OCA2: variants seen among roughly 807,000 people sequenced by gnomAD.
OCA2 encodes P protein.
OCA2 carries 77 observed loss-of-function variants against 100.2 expected under a neutral mutation model. The ratio of observed to expected loss-of-function variants is 0.77; its 90% CI spans 0.64 to 0.93. The LOEUF is 0.93. Among genes scored for constraint, OCA2 ranks in the 40% least tolerant of loss-of-function variants. The pLI is 0.00. For synonymous variants in OCA2, 432 were observed against 439.2 expected, an observed-to-expected ratio of 0.98 and a Z score of 0.21; for missense variants, 1,062 against 1,089.1, an observed-to-expected ratio of 0.98 and a Z score of 0.35.
intron 11 of OCA2, among the ~76,000 whole-genome samples, chr15:27,987,383 G>A (rs2041389351): frequency 6.6e-6 from 1 of 152,116 alleles, no homozygotes; most frequent in Non-Finnish European, 1.5e-5. Context: ...AACTTGGAAT[G>A]AGAAGATGCA....
chr15:27,719,521 C>T, the OCA2 span, among the ~76,000 whole-genome samples: 1 of 152,192 alleles, frequency 6.6e-6, no homozygotes, highest in Non-Finnish European at 1.5e-5. Flanking sequence ...CATGCACGTA[C>T]ATGTAGGCAC....
intron 19 of OCA2, among the ~76,000 whole-genome samples, chr15:27,886,433 T>C (rs926790518): frequency 1.3e-5 from 2 of 152,352 alleles, no homozygotes; most frequent in South Asian, 2.1e-4. Context: ...CTAAAATGCA[T>C]GGCAACTCTT....
intron 19 of OCA2, among the ~76,000 whole-genome samples, chr15:27,915,277 T>A (rs1000504454): frequency 6.6e-6 from 1 of 152,136 alleles, no homozygotes; most frequent in Non-Finnish European, 1.5e-5. Context: ...ACCTAGGACG[T>A]ACCATTTTGG....
chr15:27,951,815 A>G lies in OCA2; in HGVS notation c.1920T>C (p.Asn640=). Residue 640 remains asparagine (N), a synonymous_variant, in exon 18 of 24, where the codon AAT becomes AAC. Transcript: ENST00000354638. ...CAAGATGAATGCCAGGGACAAACGA[A>G]TTGAGGAAAAACATGAAGATAACAA... is the stretch of plus-strand genomic sequence containing the variant. ...LGFVIFMFFL[N]SFVPGIHLDL... is the part of the protein sequence containing the mutation. 3 of 1,613,742 alleles carry G rather than the reference A, an allele frequency of 1.9e-6. No homozygotes were observed. The highest frequency in any genetic ancestry group is 2.5e-6 in the Non-Finnish European group (3 of 1,179,636).
At chr15:27,985,255 T>G in intron 12 of OCA2, 67 bp from the exon 13 acceptor site, 1 of 1,589,070 alleles carries the variant, frequency 6.3e-7, no homozygotes, top group Admixed American at 1.7e-5. Context: ...AGGCAGCCTT[T>G]CATTAGTGAC....
At position 28,018,457 on chromosome 15, in the gene OCA2, G is replaced by C; in HGVS notation, c.747C>G (p.His249Gln). ...CAGCCTGGGTCAGCTCCACCACGATGTGCTCTTCCCTCCCAGGACGACTCG... is the reference window on the plus strand; with the variant it reads ...CAGCCTGGGTCAGCTCCACCACGATCTGCTCTTCCCTCCCAGGACGACTCG... Reference protein sequence around the residue: ...SGPSRPGREEHIVVELTQADA... With the variant: ...SGPSRPGREEQIVVELTQADA... Residue 249 changes from histidine (H) to glutamine (Q), a missense_variant, in exon 7 of 24, where the codon CAC becomes CAG. His to Gln is a conservative substitution (Grantham distance 24). Coordinates refer to ENST00000354638, the MANE Select transcript of OCA2 (RefSeq NM_000275.3). 1.2e-6 allele frequency: 2 copies of C among 1,614,072 alleles called. No homozygotes were observed. Among genetic ancestry groups the C allele is most frequent in the Non-Finnish European group, 8.5e-7 (1 of 1,180,018 alleles).
At chr15:27,993,578 G>C (rs776462700) in intron 9 of OCA2, among the ~76,000 whole-genome samples, 1 of 152,182 alleles carries the variant, frequency 6.6e-6, no homozygotes, top group African/African-American at 2.4e-5. Flanking sequence ...AGACAGCCAT[G>C]GCCCTCTCAG....
chr15:27,777,572 T>C (rs1359943142), intron 23 of OCA2, among the ~76,000 whole-genome samples: 3 of 152,216 alleles, frequency 2.0e-5, no homozygotes, highest in African/African-American at 7.2e-5. Context: ...AGAAATGCTG[T>C]TTGGCTTGTC....
intron 23 of OCA2, among the ~76,000 whole-genome samples, chr15:27,800,451 A>T (rs563199885): frequency 6.6e-6 from 1 of 152,340 alleles, no homozygotes; most frequent in East Asian, 1.9e-4. Flanking sequence ...ATCAAGAATG[A>T]TCAGAAAAAA....
intron 9 of OCA2, among the ~76,000 whole-genome samples, chr15:27,999,972 A>G (rs951509843): frequency 6.6e-6 from 1 of 152,232 alleles, no homozygotes; most frequent in Non-Finnish European, 1.5e-5. Context: ...AGAAGATACA[A>G]ATAAATGGAA....
intron 5 of OCA2, among the ~76,000 whole-genome samples, chr15:28,023,844 C>A (rs749846): frequency 0.21 from 32,114 of 150,732 alleles, 4,851 homozygotes; most frequent in East Asian, 0.87. Context: ...GGACCACACA[C>A]AACCTACACA....
At chr15:27,938,109 A>T (rs934056875) in intron 18 of OCA2, among the ~76,000 whole-genome samples, 4 of 152,242 alleles carry the variant, frequency 2.6e-5, no homozygotes, top group African/African-American at 9.6e-5. Flanking sequence ...AAAGGAGTTG[A>T]GTCACATGGA....
chr15:27,905,919 C>T (rs1346909907), intron 19 of OCA2, among the ~76,000 whole-genome samples: 5 of 152,174 alleles, frequency 3.3e-5, no homozygotes, highest in African/African-American at 1.2e-4. Context: ...ATGCCCACGC[C>T]TCAAGCAAGC....
At chr15:28,094,951 G>A (rs1444428205) in intron 1 of OCA2, among the ~76,000 whole-genome samples, 1 of 152,230 alleles carries the variant, frequency 6.6e-6, no homozygotes, top group African/African-American at 2.4e-5. Context: ...CTGCCGGGAA[G>A]GGGACGGCGT....
chr15:27,970,739 A>T lies in OCA2; in HGVS notation c.1504-3917T>A, dbSNP rs577046123. ...AAACGTGAAAAACATCCCAGCACAC[A>T]CAGAATGTTGGGAAAACATAAAGAA... is the stretch of plus-strand genomic sequence containing the variant. On this transcript the variant is annotated intron_variant, in intron 14 of 23. Transcript: ENST00000354638. 8.9e-4 allele frequency among the ~76,000 whole-genome samples: 135 copies of T among 152,200 alleles called. 1 individual carries two copies. Among genetic ancestry groups the T allele is most frequent in the African/African-American group, 3.1e-3 (130 of 41,538 alleles).
intron 2 of OCA2, among the ~76,000 whole-genome samples, chr15:28,044,854 T>C (rs1044117972): frequency 8.5e-5 from 13 of 152,262 alleles, no homozygotes; most frequent in Non-Finnish European, 1.8e-4. Flanking sequence ...GTATCAGTTT[T>C]AGCACTGTAT....
intron 23 of OCA2, among the ~76,000 whole-genome samples, chr15:27,838,097 T>C (rs941436241): frequency 6.6e-6 from 1 of 152,000 alleles, no homozygotes; most frequent in African/African-American, 2.4e-5. Context: ...TGGTAAAGAT[T>C]TCCCCAACAA....
intron 19 of OCA2, among the ~76,000 whole-genome samples, chr15:27,922,757 C>T (rs2038910311): frequency 6.7e-6 from 1 of 150,114 alleles, no homozygotes; most frequent in Admixed American, 6.7e-5. Flanking sequence ...CTTATTTTGG[C>T]CCCTGGCCAC....
At chr15:27,821,914 A>G (rs1247317938) in intron 23 of OCA2, among the ~76,000 whole-genome samples, 1 of 152,192 alleles carries the variant, frequency 6.6e-6, no homozygotes, top group African/African-American at 2.4e-5. Flanking sequence ...ATCTTTTTGC[A>G]TATTTTGAAG....
Sources: gnomAD v4.1 joint callset for allele counts (sites outside exome capture counted in the v4.1 genomes callset) on GRCh38, gnomAD v4.1.1 for gene constraint, MANE v1.5 for transcripts, NCBI Gene and HGNC (gene_info 2026-07-23, HGNC 2026-07-21) for gene names.